The following WWP2 variants were observed in gnomAD, a reference collection of about 807,000 sequenced individuals.
The protein encoded by WWP2 is NEDD4-like E3 ubiquitin-protein ligase WWP2.
In WWP2, 57 loss-of-function variants were observed where a neutral mutation model predicts 121.0. The observed-to-expected ratio is 0.47, with a 90% CI of 0.38 to 0.59. The LOEUF (loss-of-function observed/expected upper bound fraction) is 0.59, where lower values mean the gene tolerates loss of function less well. Among genes scored for constraint, WWP2 ranks in the 20% least tolerant of loss-of-function variants. The pLI is 0.00. For missense variants in WWP2, 962 were observed against 1,158.9 expected (o/e 0.83, Z 2.47); for synonymous variants, 449 against 441.3 (o/e 1.02, Z -0.22).
In WWP2 at chr16:69,925,062, G is replaced by A. The variant is rs567592585; in HGVS notation, c.1180-368G>A. On this transcript the variant is annotated intron_variant, in intron 10 of 23. Transcript: ENST00000359154. The surrounding 1 kb of genome is among the most constrained non-coding windows in gnomAD (Gnocchi z 4.0). ...TCAGTCGCCTTGGCCGCCTTGAGCC[G>A]GAGCTGAGCGGAGGCACTGGGCCGA... The A allele has an allele frequency of 3.9e-5, 40 of 1,019,258 alleles. No homozygotes were observed. In the African/African-American group the frequency reaches 4.1e-4, roughly 10 times the overall value. 63.1% of individuals were successfully genotyped at this position (1,019,258 alleles called of 1,614,324 possible). A position where few individuals can be genotyped will look rare whatever the true frequency, so the allele number is the denominator to read the frequency against.
chr16:69,826,753 G>C (rs1259150538), intron 4 of WWP2, among the ~76,000 whole-genome samples: 1 of 150,960 alleles, frequency 6.6e-6, no homozygotes, highest in East Asian at 1.9e-4. Flanking sequence ...AGCCTAACAC[G>C]GTGAAACCCC....
chr16:69,836,347 G>C (rs78891517), intron 4 of WWP2, among the ~76,000 whole-genome samples: 2,914 of 151,688 alleles, frequency 0.019, 43 homozygotes, highest in Non-Finnish European at 0.029. Context: ...AGGAGTTCAG[G>C]ACAGTTATTG....
chr16:69,825,398 T>A (rs1013859489), intron 4 of WWP2, among the ~76,000 whole-genome samples: 2 of 148,466 alleles, frequency 1.3e-5, no homozygotes, highest in Non-Finnish European at 3.0e-5. Flanking sequence ...CACTCCAGCC[T>A]GGGCAACAGA....
intron 8 of WWP2, among the ~76,000 whole-genome samples, chr16:69,898,253 C>T (rs1426284506): frequency 2.0e-5 from 3 of 152,028 alleles, no homozygotes; most frequent in African/African-American, 7.2e-5. Flanking sequence ...GTCTCAAATT[C>T]CCAACCTCAG....
At chr16:69,831,478 C>T (rs986652571) in intron 4 of WWP2, among the ~76,000 whole-genome samples, 4 of 152,022 alleles carry the variant, frequency 2.6e-5, no homozygotes, top group Non-Finnish European at 5.9e-5. Context: ...GGAATAAGGA[C>T]GGCAATTTCC....
intron 2 of WWP2, among the ~76,000 whole-genome samples, chr16:69,796,464 T>G (rs1269715147): frequency 2.0e-5 from 3 of 152,256 alleles, no homozygotes; most frequent in Admixed American, 6.5e-5. Context: ...GAGTATCAAT[T>G]GTTTGCCCCT....
At position 69,936,356 on chromosome 16, in the gene WWP2, A is replaced by T; in HGVS notation, c.2021A>T (p.Gln674Leu). 1 of 1,614,122 alleles carries T rather than the reference A, an allele frequency of 6.2e-7. No individual in the cohort carries two copies. The highest frequency in any genetic ancestry group is 8.5e-7 in the Non-Finnish European group (1 of 1,180,016). ...EECGLELYFI[Q>L]DMEILGKVTT... is the part of the protein sequence containing the mutation. Reference sequence around the variant, plus strand: ...TGTGGCCTGGAGCTGTACTTCATCCAGGACATGGAGATACTGGGCAAGGTG... The same window carrying T: ...TGTGGCCTGGAGCTGTACTTCATCCTGGACATGGAGATACTGGGCAAGGTG... The change falls in exon 19 of 24, where the codon CAG becomes CTG. Residue 674 changes from glutamine to leucine, a missense_variant. Transcript: ENST00000359154.
At chr16:69,772,800 C>G (rs754434663) in intron 1 of WWP2, among the ~76,000 whole-genome samples, 6 of 152,038 alleles carry the variant, frequency 3.9e-5, no homozygotes, top group Admixed American at 6.6e-5. Flanking sequence ...CTCCCTCCTG[C>G]CTCACCACCA....
chr16:69,907,677 G>T (rs1020931067), intron 8 of WWP2, among the ~76,000 whole-genome samples: 1 of 152,148 alleles, frequency 6.6e-6, no homozygotes, highest in Non-Finnish European at 1.5e-5. Context: ...GCTGTATTTT[G>T]TACTGATCGG....
chr16:69,908,827 C>T lies in WWP2; in HGVS notation c.981C>T (p.Thr327=), dbSNP rs1416166989. ...TTGACCACAATACCAAGACCACCAC[C>T]TGGGAGCGGCCCCTTCCTCCAGGGT... ...YYVDHNTKTT[T]WERPLPPGWE... is the part of the protein sequence containing the mutation. Residue 327 remains threonine (T), a synonymous_variant, in exon 9 of 24, where the codon ACC becomes ACT. Coordinates refer to ENST00000359154, the MANE Select transcript of WWP2 (RefSeq NM_001270454.2). The T allele has an allele frequency of 1.2e-6, 2 of 1,614,212 alleles. No individual in the cohort carries two copies. Among genetic ancestry groups the T allele is most frequent in the Non-Finnish European group, 1.7e-6 (2 of 1,180,040 alleles).
Position 69,937,009 on chromosome 16 carries a change from G to A in WWP2, c.2118-109G>A, listed in dbSNP as rs2151999304. ...AGGCTGGGTCTGGGTGTGCGAAGTG[G>A]GCTCTGCTGATCTGGTGGTCCTGCG... On this transcript the variant is annotated intron_variant, in intron 19 of 23. Coordinates refer to ENST00000359154, the MANE Select transcript of WWP2 (RefSeq NM_001270454.2). This position sits in a 1 kb window ranked among gnomAD's most constrained non-coding sequence, Gnocchi z 6.6. The A allele has an allele frequency of 2.1e-6, 3 of 1,439,010 alleles. No individual in the cohort carries two copies. The East Asian group carries it at 7.4e-5, about 36-fold the overall frequency. The allele number at this position is 1,439,010 out of a possible 1,614,324, so 89.1% of individuals were successfully genotyped here.
In WWP2 at chr16:69,826,952, A is replaced by AC. The variant is rs1306333407; in HGVS notation, c.341-13174_341-13173insC. Among the ~76,000 whole-genome samples, 321 of 125,518 alleles carry AC rather than the reference A, an allele frequency of 2.6e-3. 12 individuals carry two copies. The highest frequency in any genetic ancestry group is 7.8e-3 in the South Asian group (26 of 3,334). The allele number at this position is 125,518 out of a possible 152,430, so 82.3% of individuals were successfully genotyped here. ...AGACTCCACCTCAAAAAAAAAAAAA[A>AC]AAGGGGGGGGGGCGGAGAGAATAAT... On this transcript the variant is annotated intron_variant, in intron 4 of 23. Transcript: ENST00000359154.
intron 4 of WWP2, among the ~76,000 whole-genome samples, chr16:69,815,208 G>A (rs2056466423): frequency 1.3e-5 from 2 of 151,978 alleles, no homozygotes; most frequent in South Asian, 4.2e-4. Flanking sequence ...TCACCATGTT[G>A]GCCAGGCTAG....
At chr16:69,891,628 G>A (rs1260014611) in intron 8 of WWP2, among the ~76,000 whole-genome samples, 1 of 152,078 alleles carries the variant, frequency 6.6e-6, no homozygotes, top group Non-Finnish European at 1.5e-5. Context: ...GTTTCATGAT[G>A]CGTGCCCTGG....
chr16:69,933,136 C>A (rs761169612), intron 16 of WWP2: 6 of 509,644 alleles, frequency 1.2e-5, no homozygotes, highest in Admixed American at 4.1e-5. Context: ...TTACGTCATG[C>A]TGTTCTACCA....
intron 9 of WWP2, among the ~76,000 whole-genome samples, chr16:69,912,955 AATATATAT>A (rs1567427338): frequency 2.4e-4 from 2 of 8,352 alleles, no homozygotes; most frequent in African/African-American, 4.3e-4. Context: ...AAAAAAAAAA[AATATATAT>A]ATATATATAT....
At chr16:69,814,349 A>G (rs1567680873) in intron 4 of WWP2, among the ~76,000 whole-genome samples, 1 of 152,134 alleles carries the variant, frequency 6.6e-6, no homozygotes. Flanking sequence ...ATTAAACACT[A>G]TGAATTTGTA....
At chr16:69,933,133 A>T in intron 16 of WWP2, 1 of 509,998 alleles carries the variant, frequency 2.0e-6, no homozygotes, top group South Asian at 1.5e-5. Flanking sequence ...AGGTTACGTC[A>T]TGCTGTTCTA....
At chr16:69,934,303 C>T (rs1029082993) in intron 17 of WWP2, among the ~76,000 whole-genome samples, 174 bp downstream of exon 17, 8 of 152,102 alleles carry the variant, frequency 5.3e-5, no homozygotes, top group Admixed American at 1.3e-4. Flanking sequence ...GTGGCGTGAA[C>T]GGCAGCCCCC....
Sources: gnomAD v4.1 joint callset for allele counts (sites outside exome capture counted in the v4.1 genomes callset) on GRCh38, gnomAD v4.1.1 for gene constraint, Gnocchi (gnomAD v3.1) non-coding constraint, MANE v1.5 for transcripts, NCBI Gene and HGNC (gene_info 2026-07-23, HGNC 2026-07-21) for gene names.